Variants in DLG2 observed in about 807,000 individuals in gnomAD.
DLG2 encodes the protein discs large MAGUK scaffold protein 2.
In DLG2, 45 loss-of-function variants were observed where a neutral mutation model predicts 132.5. The ratio of observed to expected loss-of-function variants is 0.34; its 90% CI spans 0.27 to 0.44. The LOEUF (loss-of-function observed/expected upper bound fraction) is 0.44. Among genes scored for constraint, DLG2 ranks in the 20% least tolerant of loss-of-function variants. DLG2 has a pLI of 1.00. For missense variants in DLG2, 1,045 were observed against 1,196.9 expected (o/e 0.87, Z 1.87); for synonymous variants, 424 against 419.6 (o/e 1.01, Z -0.13).
At chr11:85,600,011 C>T (rs981715774) in intron 2 of DLG2, among the ~76,000 whole-genome samples, 1 of 152,044 alleles carries the variant, frequency 6.6e-6, no homozygotes, top group African/African-American at 2.4e-5. Context: ...TTTCTATTTC[C>T]TCCTTTCTCT....
chr11:85,106,960 GATTT>G (rs1469019907), intron 6 of DLG2, among the ~76,000 whole-genome samples: 3 of 151,934 alleles, frequency 2.0e-5, no homozygotes, highest in Non-Finnish European at 4.4e-5. Flanking sequence ...GTATAATTAT[GATTT>G]ATTTATACAC....
chr11:84,316,807 C>A, intron 7 of DLG2: 1 of 1,587,118 alleles, frequency 6.3e-7, no homozygotes, highest in South Asian at 1.1e-5. Flanking sequence ...AAGGGAAAGT[C>A]ATAAGGAAAA....
At chr11:84,541,018 A>G (rs947586480) in intron 6 of DLG2, among the ~76,000 whole-genome samples, 1 of 152,100 alleles carries the variant, frequency 6.6e-6, no homozygotes, top group African/African-American at 2.4e-5. Context: ...AGGGTGGGGA[A>G]CATCACACAC....
At chr11:84,143,913 A>G (rs543730287) in intron 9 of DLG2, among the ~76,000 whole-genome samples, 1 of 152,264 alleles carries the variant, frequency 6.6e-6, no homozygotes, top group African/African-American at 2.4e-5. Context: ...ATAAGGTACA[A>G]TGGAGAACAG....
chr11:84,524,409 T>C (rs1160245225), intron 7 of DLG2, among the ~76,000 whole-genome samples: 1 of 152,216 alleles, frequency 6.6e-6, no homozygotes, highest in Non-Finnish European at 1.5e-5. Flanking sequence ...AATGCTTTAT[T>C]TGCATGGAAT....
intron 6 of DLG2, among the ~76,000 whole-genome samples, chr11:84,679,106 A>G (rs2099722295): frequency 6.6e-6 from 1 of 152,090 alleles, no homozygotes; most frequent in African/African-American, 2.4e-5. Context: ...TGTATTTGAA[A>G]TAAAAAATAA....
At chr11:85,281,635 C>T (rs2078232118) in intron 4 of DLG2, among the ~76,000 whole-genome samples, 1 of 151,944 alleles carries the variant, frequency 6.6e-6, no homozygotes, top group African/African-American at 2.4e-5. Context: ...GCCTCTAAGG[C>T]TATCCCTTAT....
At chr11:83,748,885 G>T (rs1364670356) in intron 18 of DLG2, among the ~76,000 whole-genome samples, 1 of 151,914 alleles carries the variant, frequency 6.6e-6, no homozygotes, top group East Asian at 1.9e-4. Context: ...AGCTTTTTTT[G>T]CCATTTGAAA....
At chr11:85,098,508 A>G (rs1421606267) in intron 6 of DLG2, among the ~76,000 whole-genome samples, 1 of 152,232 alleles carries the variant, frequency 6.6e-6, no homozygotes, top group African/African-American at 2.4e-5. Context: ...ATTAAGTTTT[A>G]GCCCAGAATG....
chr11:85,185,185 G>A (rs1027481692), intron 4 of DLG2, among the ~76,000 whole-genome samples: 2 of 151,810 alleles, frequency 1.3e-5, no homozygotes, highest in Non-Finnish European at 2.9e-5. Context: ...TGCAGAAAAT[G>A]GTGCAAAAGC....
intron 17 of DLG2, among the ~76,000 whole-genome samples, chr11:83,797,751 C>T (rs2043216371): frequency 6.6e-6 from 1 of 152,230 alleles, no homozygotes; most frequent in South Asian, 2.1e-4. Flanking sequence ...ATCTCCTGAC[C>T]TTGTGATCCG....
chr11:84,368,619 G>T (rs887189653), intron 7 of DLG2, among the ~76,000 whole-genome samples: 7 of 152,050 alleles, frequency 4.6e-5, no homozygotes, highest in Non-Finnish European at 8.8e-5. Context: ...GATGCATCCT[G>T]GTTGTATTTA....
intron 18 of DLG2, among the ~76,000 whole-genome samples, chr11:83,709,499 T>A (rs2084891098): frequency 6.6e-6 from 1 of 152,068 alleles, no homozygotes; most frequent in Admixed American, 6.6e-5. Flanking sequence ...TCACACTGGC[T>A]GGTAGGTGAA....
chr11:85,496,692 G>A (rs931854912), intron 3 of DLG2, among the ~76,000 whole-genome samples: 2 of 152,018 alleles, frequency 1.3e-5, no homozygotes, highest in Non-Finnish European at 2.9e-5. Context: ...CCTCATACAC[G>A]CTCGTGCCCC....
At chr11:84,462,997 T>C (rs1267173191) in intron 7 of DLG2, among the ~76,000 whole-genome samples, 2 of 151,160 alleles carry the variant, frequency 1.3e-5, no homozygotes, top group Non-Finnish European at 3.0e-5. Flanking sequence ...GTATTTATTA[T>C]ATAAAATCCA....
At chr11:84,683,224 T>G (rs372918335) in intron 6 of DLG2, among the ~76,000 whole-genome samples, 1 of 152,160 alleles carries the variant, frequency 6.6e-6, no homozygotes, top group African/African-American at 2.4e-5. Context: ...TAATCAAGTT[T>G]AATATGTGTT....
intron 17 of DLG2, among the ~76,000 whole-genome samples, chr11:83,802,202 A>T (rs950268842): frequency 1.3e-5 from 2 of 152,132 alleles, no homozygotes; most frequent in African/African-American, 4.8e-5. Flanking sequence ...TTGAAGCACC[A>T]ATATGTCTTA....
intron 4 of DLG2, among the ~76,000 whole-genome samples, chr11:85,271,254 T>C (rs2077510618): frequency 6.6e-6 from 1 of 152,178 alleles, no homozygotes. Flanking sequence ...TCATGTGGCA[T>C]TGAGCCTATG....
chr11:85,079,709 G>C (rs938152906), intron 6 of DLG2, among the ~76,000 whole-genome samples: 2 of 152,034 alleles, frequency 1.3e-5, no homozygotes, highest in African/African-American at 4.8e-5. Flanking sequence ...GTGAATGGAG[G>C]TGGACAGGCA....
Sources: gnomAD v4.1 joint callset for allele counts (sites outside exome capture counted in the v4.1 genomes callset) on GRCh38, gnomAD v4.1.1 for gene constraint, MANE v1.5 for transcripts, NCBI Gene and HGNC (gene_info 2026-07-23, HGNC 2026-07-21) for gene names.